The following PLSCR5 variants were observed in gnomAD, a reference collection of about 807,000 sequenced individuals.
PLSCR5 encodes phospholipid scramblase family member 5, also known as phospholipid scramblase family, member 5.
PLSCR5 carries 44 observed loss-of-function variants against 33.6 expected under a neutral mutation model. The ratio of observed to expected loss-of-function variants is 1.31; its 90% confidence interval spans 1.03 to 1.69. PLSCR5 has a LOEUF of 1.69. PLSCR5 is among the 40% of genes most tolerant of loss of function. The probability of loss-of-function intolerance (pLI) is 0.00; values close to 1 mark genes in which losing one functional copy is unlikely to be tolerated. For synonymous variants in PLSCR5, 148 were observed against 112.3 expected (o/e 1.32, Z -2.01); for missense variants, 375 against 318.7 (o/e 1.18, Z -1.34).
chr3:146,591,770 T>A lies in PLSCR5; in HGVS notation c.565A>T (p.Ile189Phe), dbSNP rs374445829. The change falls in exon 5 of 8, where the codon ATT (isoleucine) becomes TTT (phenylalanine). Residue 189 changes from isoleucine to phenylalanine, a missense_variant. Transcript: ENST00000443512. ...QNANKEDILKIVGPCVTCGCF... is the reference protein window; with the variant it reads ...QNANKEDILKFVGPCVTCGCF... ...CCACATGTCACACAAGGACCAACAA[T>A]TTTCAAAATATCTTCTTTGTTTGCA... 2.5e-6 allele frequency: 4 copies of A among 1,611,998 alleles called. No homozygotes were observed. Among genetic ancestry groups the A allele is most frequent in the Non-Finnish European group, 3.4e-6 (4 of 1,178,904 alleles).
chr3:146,592,019 T>C, intron 4 of PLSCR5, 138 bp from the exon 5 acceptor site: 1 of 786,612 alleles, frequency 1.3e-6, no homozygotes, highest in Non-Finnish European at 1.9e-6. Context: ...AAATACCTGC[T>C]TCTAAGGATA....
At chr3:146,589,849 AGTG>A (rs1560106858) in intron 5 of PLSCR5, 35 bp from the exon 6 acceptor site, 1 of 1,377,324 alleles carries the variant, frequency 7.3e-7, no homozygotes, top group African/African-American at 1.5e-5. Context: ...TAAATTTGAC[AGTG>A]AAAAAAGTTG....
intron 1 of PLSCR5, among the ~76,000 whole-genome samples, chr3:146,601,483 A>T (rs2044815101): frequency 1.3e-5 from 2 of 152,118 alleles, no homozygotes; most frequent in African/African-American, 2.4e-5. Context: ...TTGGGTATAG[A>T]TGTGAAGCAA....
intron 4 of PLSCR5, among the ~76,000 whole-genome samples, chr3:146,592,837 T>A (rs2044727076): frequency 6.6e-6 from 1 of 152,126 alleles, no homozygotes; most frequent in African/African-American, 2.4e-5. Flanking sequence ...AAGTTAATTA[T>A]CAAAAATTTT....
chr3:146,602,687 T>C (rs1313443865), intron 1 of PLSCR5, among the ~76,000 whole-genome samples: 1 of 152,076 alleles, frequency 6.6e-6, no homozygotes, highest in Non-Finnish European at 1.5e-5. Flanking sequence ...TTCTCTCTCA[T>C]TGTAAACTTA....
chr3:146,601,058 A>G (rs1441950128), intron 1 of PLSCR5, among the ~76,000 whole-genome samples: 1 of 150,660 alleles, frequency 6.6e-6, no homozygotes, highest in African/African-American at 2.4e-5. Context: ...AGCTCACCCA[A>G]TATTACAAAA....
intron 2 of PLSCR5, among the ~76,000 whole-genome samples, chr3:146,597,795 A>G (rs931139751): frequency 1.3e-5 from 2 of 152,214 alleles, no homozygotes; most frequent in Non-Finnish European, 2.9e-5. Context: ...TGAAAATACA[A>G]TGAGAGGATT....
At chr3:146,578,474 C>A (rs571371953) in intron 7 of PLSCR5, among the ~76,000 whole-genome samples, 1 of 140,300 alleles carries the variant, frequency 7.1e-6, no homozygotes, top group East Asian at 2.0e-4. Context: ...TTTGGCTTCC[C>A]ATTTTATTTC....
At chr3:146,589,995 T>A (rs1454800079) in intron 5 of PLSCR5, 181 bp from the exon 6 acceptor site, 1 of 432,430 alleles carries the variant, frequency 2.3e-6, no homozygotes, top group Non-Finnish European at 3.9e-6. Flanking sequence ...TTCAGTTTAC[T>A]TTTTAGAAAC....
chr3:146,583,322 A>AAATG (rs1178353455), downstream of PLSCR5, among the ~76,000 whole-genome samples: 4 of 152,214 alleles, frequency 2.6e-5, no homozygotes. Context: ...ATATTTATTT[A>AAATG]AATGAATGAA....
intron 3 of PLSCR5, 118 bp from the exon 4 acceptor site, chr3:146,594,258 ATCT>A: frequency 1.4e-6 from 1 of 718,208 alleles, no homozygotes; most frequent in Admixed American, 2.9e-5. Flanking sequence ...AATATATGGT[ATCT>A]TCTTCACACA....
chr3:146,604,669 T>A (rs550678307), intron 1 of PLSCR5, among the ~76,000 whole-genome samples: 8 of 152,248 alleles, frequency 5.3e-5, no homozygotes, highest in African/African-American at 1.9e-4. Context: ...AAAGGCTGAA[T>A]GCTTGATGGG....
Position 146,577,082 on chromosome 3 carries a change from A to T in PLSCR5, c.*45-357T>A, listed in dbSNP as rs538524316. 2.3e-4 allele frequency among the ~76,000 whole-genome samples: 35 copies of T among 152,226 alleles called. No homozygotes were observed. The South Asian group carries it at 4.6e-3, about 20-fold the overall frequency. On this transcript the variant is annotated intron_variant, in intron 7 of 7. Coordinates refer to the PLSCR5 transcript ENST00000482567. ...ATGAGGTCTGGGTATGGATATTTTT[A>T]AAAAATAGCTATGTTATTTAAACAT...
chr3:146,597,784 A>G (rs1454566578), intron 2 of PLSCR5, among the ~76,000 whole-genome samples: 1 of 152,208 alleles, frequency 6.6e-6, no homozygotes, highest in Admixed American at 6.5e-5. Context: ...AGCTGTAGAA[A>G]TGAAAATACA....
chr3:146,599,065 TGAC>T (rs1409206200), intron 2 of PLSCR5, among the ~76,000 whole-genome samples: 4 of 152,206 alleles, frequency 2.6e-5, no homozygotes, highest in Non-Finnish European at 5.9e-5. Context: ...GCAGATGTGC[TGAC>T]ATCTCAATAT....
intron 5 of PLSCR5, 151 bp from the exon 6 acceptor site, chr3:146,589,965 T>C (rs2044700258): frequency 2.1e-6 from 1 of 486,646 alleles, no homozygotes. Flanking sequence ...CATATAAGCA[T>C]AGGTTTGTAA....
chr3:146,586,291 A>T (rs558592704), intron 6 of PLSCR5, among the ~76,000 whole-genome samples, 179 bp from the exon 7 acceptor site: 1 of 152,314 alleles, frequency 6.6e-6, no homozygotes, highest in Non-Finnish European at 1.5e-5. Context: ...TTTTATTTTC[A>T]TGTTGAATTT....
At chr3:146,595,343 C>A (rs963432290) in intron 2 of PLSCR5, among the ~76,000 whole-genome samples, 1 of 152,078 alleles carries the variant, frequency 6.6e-6, no homozygotes, top group Non-Finnish European at 1.5e-5. Context: ...CGGGGCTGGG[C>A]GCAGTGGCTC....
downstream of PLSCR5, among the ~76,000 whole-genome samples, chr3:146,583,889 C>T (rs1442627158): frequency 6.6e-6 from 1 of 152,070 alleles, no homozygotes; most frequent in Non-Finnish European, 1.5e-5. Context: ...ATTTTTGCCC[C>T]ATGGTGAAAA....
Sources: gnomAD v4.1 joint callset for allele counts (sites outside exome capture counted in the v4.1 genomes callset) on GRCh38, gnomAD v4.1.1 for gene constraint, MANE v1.5 for transcripts, NCBI Gene and HGNC (gene_info 2026-07-23, HGNC 2026-07-21) for gene names.